The following FOXJ3 variants were observed in gnomAD, a reference collection of about 807,000 sequenced individuals.
The protein encoded by FOXJ3 is forkhead box protein J3.
In FOXJ3, 22 loss-of-function variants were observed where a neutral mutation model predicts 76.1. The ratio of observed to expected loss-of-function variants is 0.29; its 90% CI spans 0.21 to 0.41. FOXJ3 has a LOEUF of 0.41. Ranked by LOEUF, FOXJ3 falls within the 10% of genes least tolerant of loss-of-function variation. The pLI, the probability that FOXJ3 is intolerant of heterozygous loss-of-function variation, is 1.00. For synonymous variants in FOXJ3, 269 were observed against 261.2 expected (o/e 1.03, Z -0.29); for missense variants, 613 against 762.1 (o/e 0.80, Z 2.30).
intron 1 of FOXJ3, among the ~76,000 whole-genome samples, chr1:42,326,208 G>A (rs1360654864): frequency 2.0e-5 from 3 of 152,176 alleles, no homozygotes; most frequent in African/African-American, 4.8e-5. Flanking sequence ...CAGAGATCAC[G>A]CCACTGCACC....
Position 42,317,361 on chromosome 1 carries a change from C to T in FOXJ3, c.-17-6251G>A, listed in dbSNP as rs1655174637. 2.6e-5 allele frequency among the ~76,000 whole-genome samples: 4 copies of T among 152,108 alleles called. No individual in the cohort carries two copies. The South Asian group carries it at 8.3e-4, about 32-fold the overall frequency. On this transcript the variant is annotated intron_variant, in intron 1 of 12. Transcript: ENST00000361346. ...GATGAGTGAGAAGCAATCAGTTGTTCATCCCAGCCACTCTAGCTAAACCTG... is the reference window on the plus strand; with the variant it reads ...GATGAGTGAGAAGCAATCAGTTGTTTATCCCAGCCACTCTAGCTAAACCTG...
chr1:42,238,189 T>G (rs1177167093), intron 4 of FOXJ3, among the ~76,000 whole-genome samples: 1 of 151,942 alleles, frequency 6.6e-6, no homozygotes, highest in Admixed American at 6.5e-5. Context: ...TGCACCACCA[T>G]GCCTGGTTAA....
chr1:42,267,919 T>C (rs916138633), intron 3 of FOXJ3, among the ~76,000 whole-genome samples: 1 of 151,862 alleles, frequency 6.6e-6, no homozygotes, highest in Non-Finnish European at 1.5e-5. Context: ...AACAGAAATT[T>C]CCAAACAGAG....
At chr1:42,255,575 C>T (rs1650519484) in intron 4 of FOXJ3, among the ~76,000 whole-genome samples, 1 of 152,106 alleles carries the variant, frequency 6.6e-6, no homozygotes, top group Non-Finnish European at 1.5e-5. Context: ...GAGCCAATGG[C>T]CACATGTTGT....
At chr1:42,199,295 T>A in intron 6 of FOXJ3, 65 bp from the exon 7 acceptor site, 1 of 1,430,568 alleles carries the variant, frequency 7.0e-7, no homozygotes, top group Admixed American at 1.8e-5. Context: ...TCTGCAAAAA[T>A]ACAATTGAGC....
chr1:42,252,059 T>C (rs1371223632), intron 4 of FOXJ3, among the ~76,000 whole-genome samples: 1 of 152,202 alleles, frequency 6.6e-6, no homozygotes, highest in Non-Finnish European at 1.5e-5. Flanking sequence ...TCAATGTTCA[T>C]CAAGGATATT....
At chr1:42,234,898 C>T (rs1268523731) in intron 4 of FOXJ3, among the ~76,000 whole-genome samples, 1 of 152,208 alleles carries the variant, frequency 6.6e-6, no homozygotes, top group Non-Finnish European at 1.5e-5. Context: ...TCTCCAGCTG[C>T]ATGCTGGGAG....
At chr1:42,323,807 C>G in intron 1 of FOXJ3, 6 of 436,026 alleles carry the variant, frequency 1.4e-5, no homozygotes, top group Non-Finnish European at 1.8e-5. Flanking sequence ...GACTAGGTCT[C>G]TACTGTTCCA....
chr1:42,268,666 G>A (rs1651651761), intron 3 of FOXJ3, among the ~76,000 whole-genome samples: 1 of 152,160 alleles, frequency 6.6e-6, no homozygotes, highest in Non-Finnish European at 1.5e-5. Flanking sequence ...TGGGTCAAAG[G>A]AACTGGAAAG....
chr1:42,273,540 T>C (rs1461434420), intron 3 of FOXJ3, among the ~76,000 whole-genome samples: 1 of 151,730 alleles, frequency 6.6e-6, no homozygotes, highest in African/African-American at 2.4e-5. Flanking sequence ...CTAGGCATAG[T>C]GGCATGCGCC....
At chr1:42,297,616 C>T (rs1431293297) in intron 2 of FOXJ3, among the ~76,000 whole-genome samples, 1 of 152,302 alleles carries the variant, frequency 6.6e-6, no homozygotes, top group Non-Finnish European at 1.5e-5. Context: ...ATAAAACCCA[C>T]TTGATCATGA....
intron 4 of FOXJ3, among the ~76,000 whole-genome samples, chr1:42,242,603 G>A (rs1285304974): frequency 6.7e-6 from 1 of 148,868 alleles, no homozygotes; most frequent in Non-Finnish European, 1.5e-5. Flanking sequence ...GGGCTCTCCT[G>A]CCACCACTAC....
At chr1:42,265,563 T>G (rs1264839696) in intron 3 of FOXJ3, among the ~76,000 whole-genome samples, 1 of 152,206 alleles carries the variant, frequency 6.6e-6, no homozygotes, top group African/African-American at 2.4e-5. Context: ...TTTATTTATT[T>G]ATTCTTGGAA....
At chr1:42,253,822 T>A (rs1274500918) in intron 4 of FOXJ3, among the ~76,000 whole-genome samples, 1 of 152,076 alleles carries the variant, frequency 6.6e-6, no homozygotes, top group Non-Finnish European at 1.5e-5. Flanking sequence ...TCCAGATGGA[T>A]TAAAGACTTA....
chr1:42,324,104 G>GTGTATATATAGTGTATATATACATTA (rs776964079), intron 1 of FOXJ3, among the ~76,000 whole-genome samples: 1 of 88,946 alleles, frequency 1.1e-5, no homozygotes, highest in African/African-American at 5.1e-5. Context: ...TATATACTGT[G>GTGTATATATAGTGTATATATACATTA]TATATACACT....
At chr1:42,295,358 A>G (rs904709532) in intron 2 of FOXJ3, among the ~76,000 whole-genome samples, 6 of 152,072 alleles carry the variant, frequency 3.9e-5, no homozygotes. Context: ...ATAACCTCCA[A>G]CTCCATGTTG....
intron 4 of FOXJ3, among the ~76,000 whole-genome samples, chr1:42,254,617 A>G (rs1570064502): frequency 2.7e-5 from 4 of 146,706 alleles, no homozygotes; most frequent in African/African-American, 7.5e-5. Flanking sequence ...CATATACACC[A>G]TGGAATACTA....
At chr1:42,279,825 G>T (rs531312236) in intron 2 of FOXJ3, among the ~76,000 whole-genome samples, 3 of 151,952 alleles carry the variant, frequency 2.0e-5, no homozygotes. Flanking sequence ...AAAACTTAAA[G>T]GTTTCTTTTG....
chr1:42,232,387 T>G (rs1278331491), intron 4 of FOXJ3, among the ~76,000 whole-genome samples: 3 of 149,402 alleles, frequency 2.0e-5, no homozygotes, highest in Non-Finnish European at 4.4e-5. Context: ...ACTTCCACAA[T>G]GGTTGAACTA....
Sources: allele counts gnomAD v4.1 joint callset (sites outside exome capture counted in the v4.1 genomes callset), GRCh38; gene constraint gnomAD v4.1.1; transcripts MANE v1.5; gene names NCBI Gene and HGNC (gene_info 2026-07-23, HGNC 2026-07-21).